PHLPP1: variants seen among roughly 807,000 people sequenced by gnomAD.
PHLPP1 encodes PH domain and leucine rich repeat protein phosphatase 1.
In PHLPP1, 42 loss-of-function variants were observed where a neutral mutation model predicts 117.2. The ratio of observed to expected loss-of-function variants is 0.36; its 90% confidence interval spans 0.28 to 0.46. The LOEUF (loss-of-function observed/expected upper bound fraction) is 0.46, where lower values mean the gene tolerates loss of function less well. PHLPP1 is among the 20% of genes least tolerant of loss of function. PHLPP1 has a pLI of 1.00. For missense variants in PHLPP1, 2,084 were observed against 2,241.9 expected, an observed-to-expected ratio of 0.93 and a Z score of 1.42; for synonymous variants, 1,042 against 970.7, an observed-to-expected ratio of 1.07 and a Z score of -1.37.
chr18:62,808,053 A>G (rs1180152200), intron 1 of PHLPP1, among the ~76,000 whole-genome samples: 6 of 152,236 alleles, frequency 3.9e-5, no homozygotes, highest in African/African-American at 1.4e-4. Context: ...GTCTTGACCA[A>G]AAAGTTATGC....
At chr18:62,856,220 C>A (rs536287070) in intron 3 of PHLPP1, among the ~76,000 whole-genome samples, 5 of 152,100 alleles carry the variant, frequency 3.3e-5, no homozygotes, top group Admixed American at 6.5e-5. Context: ...GGAGCGCCGA[C>A]CATATGTTGG....
chr18:62,780,127 A>G (rs921274652), intron 1 of PHLPP1, among the ~76,000 whole-genome samples: 1 of 152,212 alleles, frequency 6.6e-6, no homozygotes, highest in Admixed American at 6.5e-5. Flanking sequence ...CGTATGTGGT[A>G]TATATGATAG....
chr18:62,819,624 C>G lies in PHLPP1; in HGVS notation c.1577-10411C>G, dbSNP rs1296304659. ...GATTTAAAAAAAGAGGTAACTGCTG[C>G]CTACAAGAAACCTATTTTATTTTAT... On this transcript the variant is annotated intron_variant, in intron 1 of 16. Transcript: ENST00000262719. 2.0e-5 allele frequency among the ~76,000 whole-genome samples: 3 copies of G among 152,152 alleles called. No homozygotes were observed. The East Asian group carries it at 5.8e-4, about 29-fold the overall frequency.
intron 3 of PHLPP1, among the ~76,000 whole-genome samples, chr18:62,855,537 T>C (rs1436808458): frequency 2.0e-5 from 3 of 152,214 alleles, no homozygotes; most frequent in East Asian, 3.8e-4. Flanking sequence ...GTGGTAGCTT[T>C]TGTGGTCACC....
At chr18:62,748,492 C>T (rs144547354) in intron 1 of PHLPP1, among the ~76,000 whole-genome samples, 121 of 152,260 alleles carry the variant, frequency 7.9e-4, no homozygotes, top group African/African-American at 2.8e-3. Flanking sequence ...AGCAGTCTGC[C>T]GGCCTTGGCC....
At chr18:62,776,880 TTACAGGCGTGAGCCACCATGCCCAGCC>T (rs1243561584) in intron 1 of PHLPP1, among the ~76,000 whole-genome samples, 1 of 152,196 alleles carries the variant, frequency 6.6e-6, no homozygotes, top group Admixed American at 6.5e-5. Flanking sequence ...AGTGTTGGGA[TTACAGGCGTGAGCCACCATGCCCAGCC>T]TGCTGACTGG....
intron 1 of PHLPP1, among the ~76,000 whole-genome samples, chr18:62,744,896 A>T (rs1911632950): frequency 6.6e-6 from 1 of 152,222 alleles, no homozygotes; most frequent in Non-Finnish European, 1.5e-5. Flanking sequence ...ATTTTTAAAC[A>T]TTAGCTAGGC....
intron 1 of PHLPP1, among the ~76,000 whole-genome samples, chr18:62,802,780 T>C (rs1001723779): frequency 6.6e-6 from 1 of 151,830 alleles, no homozygotes; most frequent in African/African-American, 2.4e-5. Context: ...AAATGACAAC[T>C]TGTGAAGTTG....
At chr18:62,839,231 A>G (rs1009846678) in intron 3 of PHLPP1, 1 of 203,878 alleles carries the variant, frequency 4.9e-6, no homozygotes, top group African/African-American at 2.3e-5. Flanking sequence ...CAACTATAAA[A>G]CCACAAAATA....
chr18:62,970,813 G>A (rs754064152), intron 14 of PHLPP1, among the ~76,000 whole-genome samples: 2 of 152,126 alleles, frequency 1.3e-5, no homozygotes, highest in Non-Finnish European at 2.9e-5. Context: ...TCACTCACCT[G>A]GCTGTCATTA....
intron 16 of PHLPP1, among the ~76,000 whole-genome samples, chr18:62,976,445 G>A (rs1443309238): frequency 6.6e-6 from 1 of 152,194 alleles, no homozygotes; most frequent in African/African-American, 2.4e-5. Context: ...GAAGAGGCGA[G>A]GCACAGAAAA....
At chr18:62,904,792 G>A (rs1451175939) in intron 7 of PHLPP1, among the ~76,000 whole-genome samples, 1 of 152,256 alleles carries the variant, frequency 6.6e-6, no homozygotes, top group Non-Finnish European at 1.5e-5. Flanking sequence ...TGTTCAGGAA[G>A]TGTTTCAGAT....
chr18:62,727,458 A>ATAC (rs1201351538), intron 1 of PHLPP1, among the ~76,000 whole-genome samples: 4 of 151,806 alleles, frequency 2.6e-5, no homozygotes, highest in Non-Finnish European at 5.9e-5. Context: ...AATAATAATA[A>ATAC]TAAAAAAAAT....
At chr18:62,912,719 A>C (rs1424743890) in intron 8 of PHLPP1, among the ~76,000 whole-genome samples, 5 of 152,150 alleles carry the variant, frequency 3.3e-5, no homozygotes, top group Non-Finnish European at 5.9e-5. Flanking sequence ...TCCTGGGTTC[A>C]AATGATTCTC....
At chr18:62,968,290 C>T (rs1452995972) in intron 14 of PHLPP1, among the ~76,000 whole-genome samples, 2 of 152,068 alleles carry the variant, frequency 1.3e-5, no homozygotes, top group Non-Finnish European at 2.9e-5. Flanking sequence ...GTTTCCTCAT[C>T]TTGAGTTTTC....
intron 1 of PHLPP1, among the ~76,000 whole-genome samples, chr18:62,812,385 A>C (rs532706533): frequency 6.6e-6 from 1 of 152,334 alleles, no homozygotes; most frequent in East Asian, 1.9e-4. Context: ...TAGCGTCATC[A>C]TCCTGATTTC....
At chr18:62,898,671 G>A (rs928328063) in intron 6 of PHLPP1, among the ~76,000 whole-genome samples, 1 of 152,158 alleles carries the variant, frequency 6.6e-6, no homozygotes, top group Non-Finnish European at 1.5e-5. Context: ...AATGAGATGT[G>A]TACAGAAGTT....
At chr18:62,899,195 A>G (rs748389534) in intron 6 of PHLPP1, among the ~76,000 whole-genome samples, 4 of 152,206 alleles carry the variant, frequency 2.6e-5, no homozygotes, top group African/African-American at 4.8e-5. Context: ...GTCATGAATT[A>G]CAACTTTAGA....
chr18:62,725,634 AAAAG>A (rs906862994), intron 1 of PHLPP1, among the ~76,000 whole-genome samples: 2 of 152,134 alleles, frequency 1.3e-5, no homozygotes, highest in African/African-American at 2.4e-5. Flanking sequence ...GTCTCTTAAA[AAAAG>A]AGAGAGAGAG....
Sources: gnomAD v4.1 joint callset for allele counts (sites outside exome capture counted in the v4.1 genomes callset) on GRCh38, gnomAD v4.1.1 for gene constraint, MANE v1.5 for transcripts, NCBI Gene and HGNC (gene_info 2026-07-23, HGNC 2026-07-21) for gene names.